KCNT2: variants seen among roughly 807,000 people sequenced by gnomAD.
KCNT2 encodes the protein potassium channel subfamily T member 2.
In KCNT2, 67 loss-of-function variants were observed where a neutral mutation model predicts 153.8. That is an observed-to-expected ratio of 0.44 (90% CI 0.36 to 0.53). The LOEUF (loss-of-function observed/expected upper bound fraction) is 0.53, where lower values mean the gene tolerates loss of function less well. Among genes scored for constraint, KCNT2 ranks in the 20% least tolerant of loss-of-function variants. KCNT2 has a pLI of 0.00. For missense variants in KCNT2, 975 were observed against 1,354.8 expected, an observed-to-expected ratio of 0.72 and a Z score of 4.40; for synonymous variants, 500 against 458.8, an observed-to-expected ratio of 1.09 and a Z score of -1.15.
At chr1:196,247,288 A>G (rs568239339) in intron 26 of KCNT2, among the ~76,000 whole-genome samples, 7 of 152,208 alleles carry the variant, frequency 4.6e-5, no homozygotes, top group Non-Finnish European at 1.0e-4. Context: ...TACAAAGCAA[A>G]TATTATAAGA....
intron 1 of KCNT2, among the ~76,000 whole-genome samples, chr1:196,493,670 C>T (rs1411257644): frequency 6.6e-6 from 1 of 152,108 alleles, no homozygotes; most frequent in Non-Finnish European, 1.5e-5. Flanking sequence ...CTGTCATCTA[C>T]ATTAGGTATT....
At chr1:196,465,964 C>T (rs183494442) in intron 7 of KCNT2, among the ~76,000 whole-genome samples, 116 of 152,062 alleles carry the variant, frequency 7.6e-4, no homozygotes, top group African/African-American at 2.7e-3. Context: ...CTCATTTAAC[C>T]AGAACTGTTA....
chr1:196,523,254 G>A (rs1404573134), intron 1 of KCNT2, among the ~76,000 whole-genome samples: 1 of 152,082 alleles, frequency 6.6e-6, no homozygotes, highest in East Asian at 1.9e-4. Context: ...AGAAACTCCA[G>A]ACACATCTGA....
At chr1:196,269,143 G>T (rs984125340) in intron 25 of KCNT2, among the ~76,000 whole-genome samples, 6 of 152,160 alleles carry the variant, frequency 3.9e-5, no homozygotes, top group African/African-American at 1.4e-4. Context: ...ATAAAATTGT[G>T]TAAAGATGGA....
intron 1 of KCNT2, among the ~76,000 whole-genome samples, chr1:196,554,937 T>C (rs560134556): frequency 4.6e-5 from 7 of 151,240 alleles, no homozygotes; most frequent in Non-Finnish European, 1.0e-4. Flanking sequence ...AAGTTCAACA[T>C]ACCTTCATGA....
chr1:196,318,787 A>G (rs1662993006), intron 20 of KCNT2, among the ~76,000 whole-genome samples: 1 of 151,828 alleles, frequency 6.6e-6, no homozygotes, highest in Non-Finnish European at 1.5e-5. Flanking sequence ...TTCAACATCT[A>G]CAGGATAAAA....
chr1:196,284,248 A>AAAAAAAAAAAAATATATATATATAT, intron 23 of KCNT2, among the ~76,000 whole-genome samples: 1 of 10,050 alleles, frequency 1.0e-4, no homozygotes, highest in Non-Finnish European at 5.3e-4. Context: ...AAAAAAAAAA[A>AAAAAAAAAAAAATATATATATATAT]ATATATATAT....
chr1:196,562,165 A>G (rs1659499854), intron 1 of KCNT2, among the ~76,000 whole-genome samples: 1 of 152,018 alleles, frequency 6.6e-6, no homozygotes, highest in African/African-American at 2.4e-5. Flanking sequence ...CCCACAAGAG[A>G]CAGCTTTTCA....
chr1:196,228,453 T>G (rs533464961), intron 27 of KCNT2, 118 bp from the exon 28 acceptor site: 1 of 606,488 alleles, frequency 1.6e-6, no homozygotes, highest in Admixed American at 3.2e-5. Context: ...CTAAACTGTC[T>G]GTATACAACA....
chr1:196,478,658 GTAT>G (rs998809493), intron 5 of KCNT2, among the ~76,000 whole-genome samples: 10 of 152,060 alleles, frequency 6.6e-5, no homozygotes, highest in Admixed American at 3.9e-4. Context: ...TATGCTGCTT[GTAT>G]TATTATTATC....
intron 1 of KCNT2, among the ~76,000 whole-genome samples, chr1:196,530,003 C>T (rs1654737014): frequency 6.6e-6 from 1 of 151,872 alleles, no homozygotes; most frequent in Admixed American, 6.6e-5. Context: ...AAATATGCAG[C>T]AATCATATTT....
Position 196,521,930 on chromosome 1 carries a change from AC to A in KCNT2, c.96-29590del, listed in dbSNP as rs560826145. 5.4e-4 allele frequency among the ~76,000 whole-genome samples: 82 copies of A among 152,292 alleles called. 1 individual carries two copies. The highest frequency in any genetic ancestry group is 1.9e-3 in the African/African-American group (79 of 41,574). ...TACCTATATAACAAAGTGAACATGT[AC>A]CCCTGAACCTAAAATAAAAGTTTTT... On this transcript the variant is annotated intron_variant, in intron 1 of 27. Transcript: ENST00000294725.
chr1:196,487,081 G>T (rs551091848), intron 3 of KCNT2, among the ~76,000 whole-genome samples: 1 of 151,920 alleles, frequency 6.6e-6, no homozygotes, highest in Non-Finnish European at 1.5e-5. Context: ...AACGTTAGCT[G>T]TCACAGAGTT....
chr1:196,412,722 A>G (rs970067287), intron 12 of KCNT2, among the ~76,000 whole-genome samples: 1 of 151,712 alleles, frequency 6.6e-6, no homozygotes. Context: ...GTAAAGCAAC[A>G]CGAAAAAGGA....
chr1:196,252,287 T>C (rs754615810), intron 26 of KCNT2, among the ~76,000 whole-genome samples: 1 of 151,754 alleles, frequency 6.6e-6, no homozygotes, highest in African/African-American at 2.4e-5. Context: ...GTAAATATTT[T>C]AGGCTTTGCA....
At chr1:196,580,514 C>A (rs1461413850) in intron 1 of KCNT2, among the ~76,000 whole-genome samples, 7 of 152,060 alleles carry the variant, frequency 4.6e-5, no homozygotes. Context: ...CAATAGGTAA[C>A]TAGAAAACTT....
At chr1:196,384,658 T>G (rs112678101) in intron 13 of KCNT2, among the ~76,000 whole-genome samples, 8,522 of 144,470 alleles carry the variant, frequency 0.059, 372 homozygotes, top group Non-Finnish European at 0.085. Flanking sequence ...AGCTGAGATC[T>G]TGCCACACTC....
At chr1:196,379,186 A>T (rs1245698665) in intron 13 of KCNT2, among the ~76,000 whole-genome samples, 1 of 152,208 alleles carries the variant, frequency 6.6e-6, no homozygotes, top group Non-Finnish European at 1.5e-5. Context: ...TATGCAAAGA[A>T]GGACAACTCT....
At chr1:196,303,574 T>C (rs1661377584) in intron 22 of KCNT2, among the ~76,000 whole-genome samples, 1 of 152,120 alleles carries the variant, frequency 6.6e-6, no homozygotes, top group African/African-American at 2.4e-5. Flanking sequence ...AAATATAAAA[T>C]GTATCGTTAT....
Sources: allele counts gnomAD v4.1 joint callset (sites outside exome capture counted in the v4.1 genomes callset), GRCh38; gene constraint gnomAD v4.1.1; transcripts MANE v1.5; gene names NCBI Gene and HGNC (gene_info 2026-07-23, HGNC 2026-07-21).